Variants in C7 observed in about 807,000 individuals in gnomAD.
The protein encoded by C7 is complement C7.
A neutral mutation model predicts 104.8 loss-of-function variants in C7; 83 were observed. The ratio of observed to expected loss-of-function variants is 0.79; its 90% confidence interval spans 0.66 to 0.95. The LOEUF is 0.95. C7 is among the 40% of genes least tolerant of loss of function. C7 has a pLI of 0.00. For missense variants in C7, 1,070 were observed against 1,011.2 expected (o/e 1.06, Z -0.79); for synonymous variants, 415 against 360.6 (o/e 1.15, Z -1.71).
rs116471401 is a variant in C7, at chr5:40,969,187, C to T, written c.1883-3216C>T. Among the ~76,000 whole-genome samples the T allele has an allele frequency of 5.4e-3, 818 of 151,838 alleles. 9 individuals are homozygous for T. The highest frequency in any genetic ancestry group is 0.019 in the African/African-American group (789 of 41,402). ...TTTCACTTAAAATATAGTTTTTAAG[C>T]GATGTTTTGATATGTGTAAACAGTG... is the stretch of plus-strand genomic sequence containing the variant. On this transcript the variant is annotated intron_variant, in intron 14 of 17. Coordinates refer to ENST00000313164, the MANE Select transcript of C7 (RefSeq NM_000587.4).
At chr5:40,918,624 A>G (rs1739374849) in intron 1 of C7, among the ~76,000 whole-genome samples, 1 of 152,026 alleles carries the variant, frequency 6.6e-6, no homozygotes, top group Non-Finnish European at 1.5e-5. Flanking sequence ...ATCAATAGAA[A>G]CCAAAAGAAA....
rs949633819 is a variant in C7, at chr5:40,980,206, T to C, written c.2350+297T>C. ...CTGTCCTTGTATTATCCATATTGTG[T>C]ACTCATTTTTTAAAAGTCTGACATA... On this transcript the variant is annotated intron_variant, in intron 17 of 17. Transcript: ENST00000313164. 2.3e-5 allele frequency: 6 copies of C among 255,486 alleles called. No homozygotes were observed. The Admixed American group carries it at 3.3e-4, about 14-fold the overall frequency. The allele number at this position is 255,486 out of a possible 1,614,324, so 15.8% of individuals were successfully genotyped here.
At chr5:40,964,705 A>G (rs1405369266) in intron 13 of C7, 36 bp from the exon 14 acceptor site, 2 of 1,596,578 alleles carry the variant, frequency 1.3e-6, no homozygotes, top group Middle Eastern at 1.7e-4. Context: ...CAAAATAGAC[A>G]AACTCTTTCC....
chr5:40,951,622 G>A (rs1341330202), intron 9 of C7, among the ~76,000 whole-genome samples: 9 of 152,162 alleles, frequency 5.9e-5, no homozygotes, highest in African/African-American at 1.9e-4. Flanking sequence ...GAGAATAAAC[G>A]TTGAAGAGAA....
intron 10 of C7, among the ~76,000 whole-genome samples, 157 bp downstream of exon 10, chr5:40,955,710 A>G (rs941421287): frequency 6.6e-6 from 1 of 152,230 alleles, no homozygotes; most frequent in Non-Finnish European, 1.5e-5. Flanking sequence ...ATGCACACAT[A>G]ATAATAAGAA....
At chr5:40,934,264 C>T (rs570888619) in intron 3 of C7, 61 bp from the exon 4 acceptor site, 1 of 1,413,978 alleles carries the variant, frequency 7.1e-7, no homozygotes, top group African/African-American at 1.4e-5. Context: ...ATAAAGGAAA[C>T]TAGAGATTTC....
intron 17 of C7, among the ~76,000 whole-genome samples, chr5:40,980,513 T>C (rs1740919942): frequency 6.6e-6 from 1 of 152,218 alleles, no homozygotes; most frequent in African/African-American, 2.4e-5. Context: ...ACGTTGTGAT[T>C]CAATATTTGC....
At chr5:40,959,058 G>A (rs904333459) in intron 11 of C7, among the ~76,000 whole-genome samples, 1 of 152,060 alleles carries the variant, frequency 6.6e-6, no homozygotes, top group Admixed American at 6.6e-5. Context: ...ATTCCTTTGT[G>A]GCTTGGATTT....
At chr5:40,955,597 A>G in intron 10 of C7, 44 bp downstream of exon 10, 1 of 1,567,008 alleles carries the variant, frequency 6.4e-7, no homozygotes. Flanking sequence ...AGTCATGTTT[A>G]TTTGCATGAG....
At chr5:40,948,084 T>C (rs1425157147) in intron 8 of C7, among the ~76,000 whole-genome samples, 1 of 152,212 alleles carries the variant, frequency 6.6e-6, no homozygotes, top group Admixed American at 6.5e-5. Flanking sequence ...ATTGGCTATC[T>C]CTAGAGGGTA....
At chr5:40,941,009 G>A (rs1244228127) in intron 6 of C7, among the ~76,000 whole-genome samples, 7 of 151,832 alleles carry the variant, frequency 4.6e-5, no homozygotes. Context: ...ATATGTGGGT[G>A]GGAGTGGGAG....
rs763928842 is a variant in C7, at chr5:40,936,427, A to G, written c.370A>G (p.Arg124Gly). The change falls in exon 5 of 18, where the codon AGG (arginine) becomes GGG (glycine). Residue 124 changes from arginine (R) to glycine (G), a missense_variant. Arg to Gly is a moderately radical substitution (Grantham distance 125). Coordinates refer to ENST00000313164, the MANE Select transcript of C7 (RefSeq NM_000587.4). ...ADEDRCEDSE[R>G]RPSCDIDKPP... ...TGAAGACAGATGTGAGGACTCAGAA[A>G]GGAGACCTTCCTGTGATATCGATAA... The G allele has an allele frequency of 6.2e-7, 1 of 1,613,322 alleles. No individual in the cohort carries two copies. Among genetic ancestry groups the G allele is most frequent in the Non-Finnish European group, 8.5e-7 (1 of 1,179,426 alleles).
intron 7 of C7, among the ~76,000 whole-genome samples, chr5:40,946,982 C>T (rs1179937362): frequency 6.6e-6 from 1 of 151,748 alleles, no homozygotes; most frequent in Non-Finnish European, 1.5e-5. Context: ...GCTGAATTTT[C>T]CTGAATTAAT....
chr5:40,928,079 T>C (rs12109051), intron 1 of C7, among the ~76,000 whole-genome samples: 34,368 of 151,868 alleles, frequency 0.23, 4,033 homozygotes, highest in East Asian at 0.31. Context: ...TATTTAGCCT[T>C]AAAAAGGAGG....
intron 1 of C7, among the ~76,000 whole-genome samples, chr5:40,921,582 A>T (rs1002228116): frequency 5.9e-5 from 8 of 135,722 alleles, no homozygotes; most frequent in African/African-American, 2.5e-4. Flanking sequence ...GTAGATTATT[A>T]AAAAAAACAA....
At chr5:40,950,116 T>C (rs1016178903) in intron 9 of C7, 102 bp downstream of exon 9, 3 of 666,526 alleles carry the variant, frequency 4.5e-6, no homozygotes, top group South Asian at 1.9e-5. Flanking sequence ...ACTTGTGTCA[T>C]GGGGCTTTGT....
At chr5:40,917,134 CA>C (rs138855377) in intron 1 of C7, among the ~76,000 whole-genome samples, 1,857 of 113,554 alleles carry the variant, frequency 0.016, 18 homozygotes, top group Middle Eastern at 0.05. Flanking sequence ...GACTCCATCT[CA>C]AAAAAAAAAA....
At chr5:40,916,866 T>C (rs189427101) in intron 1 of C7, among the ~76,000 whole-genome samples, 1 of 152,276 alleles carries the variant, frequency 6.6e-6, no homozygotes, top group East Asian at 1.9e-4. Context: ...TTACCTCCCA[T>C]ACTTTTGTAG....
chr5:40,969,471 G>A (rs1402136925), intron 14 of C7, among the ~76,000 whole-genome samples: 1 of 152,114 alleles, frequency 6.6e-6, no homozygotes, highest in Non-Finnish European at 1.5e-5. Flanking sequence ...TTAATTGAAT[G>A]TCAGACTTTA....
Sources: gnomAD v4.1 joint callset for allele counts (sites outside exome capture counted in the v4.1 genomes callset) on GRCh38, gnomAD v4.1.1 for gene constraint, MANE v1.5 for transcripts, NCBI Gene and HGNC (gene_info 2026-07-23, HGNC 2026-07-21) for gene names.